The following SLC38A9 variants were observed in gnomAD, a reference collection of about 807,000 sequenced individuals.
SLC38A9 encodes the protein solute carrier family 38 member 9, also known as neutral amino acid transporter 9.
In SLC38A9, 48 loss-of-function variants were observed where a neutral mutation model predicts 62.3. That is an observed-to-expected ratio of 0.77 (90% confidence interval 0.61 to 0.98). The LOEUF is 0.98. SLC38A9 is among the 50% of genes least tolerant of loss of function. The pLI is 0.00. For synonymous variants in SLC38A9, 204 were observed against 227.7 expected, an observed-to-expected ratio of 0.90 and a Z score of 0.94; for missense variants, 541 against 679.8, an observed-to-expected ratio of 0.80 and a Z score of 2.27.
At chr5:55,676,587 TAG>T (rs929553304) in intron 3 of SLC38A9, among the ~76,000 whole-genome samples, 1 of 152,220 alleles carries the variant, frequency 6.6e-6, no homozygotes, top group Non-Finnish European at 1.5e-5. Flanking sequence ...CAAAATTTAG[TAG>T]AGAGACTCAA....
At chr5:55,669,969 C>CTT in intron 4 of SLC38A9, 90 bp from the exon 5 acceptor site, 5 of 1,196,114 alleles carry the variant, frequency 4.2e-6, no homozygotes, top group Non-Finnish European at 5.8e-6. Context: ...CTCTAGACAC[C>CTT]TTTTTTTTTC....
intron 3 of SLC38A9, among the ~76,000 whole-genome samples, chr5:55,692,383 T>C (rs900260202): frequency 6.6e-6 from 1 of 152,230 alleles, no homozygotes; most frequent in Admixed American, 6.5e-5. Context: ...GTTCTTCAAA[T>C]GGAAGATAAT....
At chr5:55,634,086 G>A (rs1166786308) in intron 13 of SLC38A9, 184 bp from the exon 14 acceptor site, 1 of 417,868 alleles carries the variant, frequency 2.4e-6, no homozygotes. Flanking sequence ...AACCGAAAGT[G>A]TTCAGAAACT....
chr5:55,699,499 CAACA>C (rs1287840248), intron 2 of SLC38A9, among the ~76,000 whole-genome samples: 1 of 152,050 alleles, frequency 6.6e-6, no homozygotes, highest in Non-Finnish European at 1.5e-5. Context: ...CATTTAAAGA[CAACA>C]AACAGTGAGT....
intron 3 of SLC38A9, chr5:55,693,185 T>G (rs774877958): frequency 5.2e-5 from 9 of 171,556 alleles, no homozygotes; most frequent in Non-Finnish European, 8.2e-5. Flanking sequence ...GCACTCAGTT[T>G]CCCTCTGAGG....
chr5:55,692,422 A>G (rs1282221526), intron 3 of SLC38A9, among the ~76,000 whole-genome samples: 2 of 151,866 alleles, frequency 1.3e-5, no homozygotes, highest in Non-Finnish European at 2.9e-5. Flanking sequence ...AGTTTTATTT[A>G]TATATGTAAT....
intron 12 of SLC38A9, among the ~76,000 whole-genome samples, chr5:55,640,734 A>G (rs1488687050): frequency 1.3e-5 from 2 of 152,236 alleles, no homozygotes; most frequent in Non-Finnish European, 2.9e-5. Context: ...ACAATAATCA[A>G]TGGGAAAAAT....
chr5:55,664,711 T>A lies in SLC38A9; in HGVS notation c.679A>T (p.Thr227Ser). 6.4e-7 allele frequency: 1 copy of A among 1,553,200 alleles called. No homozygotes were observed. Among genetic ancestry groups the A allele is most frequent in the East Asian group, 2.3e-5 (1 of 43,158 alleles). Residue 227 changes from threonine (T) to serine (S), a missense_variant, in exon 8 of 16, where the codon ACT (threonine) becomes TCT (serine). Thr to Ser is a moderately conservative substitution (Grantham distance 58). Coordinates refer to ENST00000396865, the MANE Select transcript of SLC38A9 (RefSeq NM_173514.4). ...WVLMSNFLFN[T>S]GKFIFNFIHH... ...TACTTACTAAAAATAAACTTTCCAG[T>A]ATTAAAAAGAAAATTTGACATAAGC...
chr5:55,687,075 T>TTTG (rs1554065526), intron 3 of SLC38A9, among the ~76,000 whole-genome samples: 3 of 26,484 alleles, frequency 1.1e-4, no homozygotes, highest in African/African-American at 2.4e-4. Context: ...GTTTTTTTTT[T>TTTG]TTTTTTTTTT....
intron 3 of SLC38A9, among the ~76,000 whole-genome samples, chr5:55,690,621 T>C (rs1754591939): frequency 6.6e-6 from 1 of 152,232 alleles, no homozygotes; most frequent in African/African-American, 2.4e-5. Context: ...TTCTGTCTTT[T>C]GTTGAACATC....
intron 2 of SLC38A9, among the ~76,000 whole-genome samples, chr5:55,705,959 C>T (rs1442156314): frequency 2.0e-5 from 3 of 152,124 alleles, no homozygotes; most frequent in African/African-American, 4.8e-5. Context: ...CTGCCTGCCT[C>T]GGCCTCCCAA....
At chr5:55,648,193 T>C (rs1260502419) in intron 11 of SLC38A9, among the ~76,000 whole-genome samples, 1 of 152,204 alleles carries the variant, frequency 6.6e-6, no homozygotes, top group Non-Finnish European at 1.5e-5. Context: ...GAGTTGAGAC[T>C]GTGCCACTGC....
chr5:55,655,646 T>C (rs79560556), intron 9 of SLC38A9, among the ~76,000 whole-genome samples: 2,911 of 152,276 alleles, frequency 0.019, 38 homozygotes, highest in Non-Finnish European at 0.029. Context: ...GTAAACTTCA[T>C]GAGAGGAGGG....
At chr5:55,633,176 T>A (rs1275510544) in intron 14 of SLC38A9, among the ~76,000 whole-genome samples, 1 of 152,070 alleles carries the variant, frequency 6.6e-6, no homozygotes, top group Non-Finnish European at 1.5e-5. Context: ...TCGGCTGATT[T>A]TTTAAAATTT....
chr5:55,691,041 G>A (rs1754658200), intron 3 of SLC38A9: 1 of 630,938 alleles, frequency 1.6e-6, no homozygotes. Context: ...GCACGCTAGA[G>A]GACATTATAA....
intron 12 of SLC38A9, among the ~76,000 whole-genome samples, chr5:55,644,062 G>T (rs1745873930): frequency 6.6e-6 from 1 of 152,136 alleles, no homozygotes; most frequent in African/African-American, 2.4e-5. Context: ...TTGGGTTCAA[G>T]TAATTCTCCT....
Position 55,669,868 on chromosome 5 carries a change from G to T in SLC38A9, c.258C>A (p.Asp86Glu). ...TPADKALIAP[D>E]HVVPAPEECY... ...ACTCTTCTGGAGCTGGAACTACATGGTCTGGGGCAATCTGGTAAAAAGGAA... is the reference window on the plus strand; with the variant it reads ...ACTCTTCTGGAGCTGGAACTACATGTTCTGGGGCAATCTGGTAAAAAGGAA... The change falls in exon 5 of 16, where the codon GAC becomes GAA. Residue 86 changes from aspartate to glutamate, a missense_variant. Asp to Glu is a conservative substitution (Grantham distance 45, BLOSUM62 2). Transcript: ENST00000396865. 1 of 1,592,722 alleles carries T rather than the reference G, an allele frequency of 6.3e-7. No homozygotes were observed.
intron 2 of SLC38A9, among the ~76,000 whole-genome samples, chr5:55,702,585 AAAATGTTC>A (rs1756810264): frequency 2.0e-5 from 3 of 152,140 alleles, no homozygotes; most frequent in Admixed American, 2.0e-4. Context: ...AATGGGAAAA[AAAATGTTC>A]AAATGTATTA....
At chr5:55,649,575 A>C (rs1747017755) in intron 10 of SLC38A9, among the ~76,000 whole-genome samples, 1 of 152,222 alleles carries the variant, frequency 6.6e-6, no homozygotes, top group African/African-American at 2.4e-5. Context: ...TAATCCCAGC[A>C]CTTTGGGAGG....
Sources: allele counts gnomAD v4.1 joint callset (sites outside exome capture counted in the v4.1 genomes callset), GRCh38; gene constraint gnomAD v4.1.1; transcripts MANE v1.5; gene names NCBI Gene and HGNC (gene_info 2026-07-23, HGNC 2026-07-21).